ZNF892: variants seen among roughly 807,000 people sequenced by gnomAD.
ZNF892 encodes zinc finger protein 570-like.
At chr2:95,208,561 T>C in the ZNF892 span, 1 of 398,144 alleles carries the variant, frequency 2.5e-6, no homozygotes, top group Non-Finnish European at 4.4e-6. Flanking sequence ...TGACTCTTCT[T>C]AGATGACAAC....
the ZNF892 span, among the ~76,000 whole-genome samples, chr2:95,232,455 C>G: frequency 6.6e-6 from 1 of 152,192 alleles, no homozygotes; most frequent in South Asian, 2.1e-4. Flanking sequence ...CCAGGCAGGG[C>G]GCCTGGGACA....
chr2:95,221,036 T>C, the ZNF892 span, among the ~76,000 whole-genome samples: 6 of 152,174 alleles, frequency 3.9e-5, no homozygotes, highest in African/African-American at 1.4e-4. Flanking sequence ...AAATAAAGAA[T>C]GAAAATAACT....
At chr2:95,227,171 C>T in the ZNF892 span, among the ~76,000 whole-genome samples, 2 of 134,456 alleles carry the variant, frequency 1.5e-5, no homozygotes, top group African/African-American at 2.7e-5. Context: ...CTTTCCTTCT[C>T]CTTGTTTTTT....
the ZNF892 span, among the ~76,000 whole-genome samples, chr2:95,212,790 G>A: frequency 2.6e-5 from 4 of 152,156 alleles, no homozygotes; most frequent in Non-Finnish European, 5.9e-5. Context: ...TTTAACAAAT[G>A]ACTTGTGTTC....
At chr2:95,220,801 C>T in the ZNF892 span, among the ~76,000 whole-genome samples, 3 of 152,076 alleles carry the variant, frequency 2.0e-5, no homozygotes, top group Non-Finnish European at 4.4e-5. Flanking sequence ...GAGGAAACAC[C>T]AGTATTTAAT....
the ZNF892 span, among the ~76,000 whole-genome samples, chr2:95,224,846 G>A: frequency 2.0e-5 from 3 of 152,194 alleles, no homozygotes; most frequent in Admixed American, 6.5e-5. Flanking sequence ...TACTATTCTC[G>A]TGAGAGTGGG....
At chr2:95,222,947 G>A in the ZNF892 span, among the ~76,000 whole-genome samples, 1 of 152,178 alleles carries the variant, frequency 6.6e-6, no homozygotes, top group East Asian at 1.9e-4. Flanking sequence ...CCAGCTCATT[G>A]TTTTTACATG....
At chr2:95,214,338 T>C in the ZNF892 span, 2 of 398,492 alleles carry the variant, frequency 5.0e-6, no homozygotes, top group Non-Finnish European at 8.9e-6. Context: ...TATTTCAGAC[T>C]GGGAAACAAT....
At chr2:95,239,533 A>G in the ZNF892 span, among the ~76,000 whole-genome samples, 1 of 152,168 alleles carries the variant, frequency 6.6e-6, no homozygotes, top group African/African-American at 2.4e-5. Flanking sequence ...AACCTTCAGA[A>G]ACCACCGACC....
the ZNF892 span, among the ~76,000 whole-genome samples, chr2:95,215,909 CTG>C: frequency 2.0e-5 from 3 of 152,136 alleles, no homozygotes; most frequent in Non-Finnish European, 4.4e-5. Context: ...GACATCTTGA[CTG>C]TGCCAGGTAT....
chr2:95,236,930 A>T, the ZNF892 span, among the ~76,000 whole-genome samples: 1 of 152,148 alleles, frequency 6.6e-6, no homozygotes, highest in African/African-American at 2.4e-5. Context: ...ATACAGGCAT[A>T]TGTCATTTTT....
chr2:95,247,419 A>G, the ZNF892 span, among the ~76,000 whole-genome samples: 5 of 152,344 alleles, frequency 3.3e-5, no homozygotes, highest in East Asian at 9.6e-4. Flanking sequence ...AAGAAAACCT[A>G]GAAGACACCA....
At chr2:95,230,549 A>G in the ZNF892 span, among the ~76,000 whole-genome samples, 11 of 152,174 alleles carry the variant, frequency 7.2e-5, no homozygotes, top group Admixed American at 2.6e-4. Flanking sequence ...TCTTAATGCA[A>G]GTCCTCTGGT....
At chr2:95,231,406 G>A in the ZNF892 span, among the ~76,000 whole-genome samples, 1 of 152,224 alleles carries the variant, frequency 6.6e-6, no homozygotes, top group African/African-American at 2.4e-5. Flanking sequence ...GACTGCCTGG[G>A]AAGGGGCAGA....
At chr2:95,230,590 G>A in the ZNF892 span, among the ~76,000 whole-genome samples, 1 of 152,182 alleles carries the variant, frequency 6.6e-6, no homozygotes, top group African/African-American at 2.4e-5. Context: ...TTGTCTCCCA[G>A]CACTCAGCGA....
the ZNF892 span, among the ~76,000 whole-genome samples, chr2:95,229,374 ACAGACCCTTTT>A: frequency 6.6e-6 from 1 of 152,142 alleles, no homozygotes; most frequent in African/African-American, 2.4e-5. Flanking sequence ...AACTAACCAT[ACAGACCCTTTT>A]CATTCTGCTG....
At chr2:95,235,657 G>T in the ZNF892 span, among the ~76,000 whole-genome samples, 6 of 152,152 alleles carry the variant, frequency 3.9e-5, no homozygotes, top group African/African-American at 1.2e-4. Flanking sequence ...CACCACGCCC[G>T]GCCCCAGTAA....
chr2:95,240,541 G>T, the ZNF892 span, among the ~76,000 whole-genome samples: 1 of 152,296 alleles, frequency 6.6e-6, no homozygotes, highest in East Asian at 1.9e-4. Context: ...AGCAACTCAG[G>T]CATACACAGA....
the ZNF892 span, among the ~76,000 whole-genome samples, chr2:95,236,598 T>G: frequency 1.3e-5 from 2 of 152,250 alleles, no homozygotes; most frequent in South Asian, 4.1e-4. Context: ...CTGAACATTG[T>G]CAGGAGCCTG....
Sources: gnomAD v4.1 joint callset for allele counts (sites outside exome capture counted in the v4.1 genomes callset) on GRCh38, gnomAD v4.1.1 for gene constraint, MANE v1.5 for transcripts, NCBI Gene and HGNC (gene_info 2026-07-23, HGNC 2026-07-21) for gene names.